Variants in APTX observed in about 807,000 individuals in gnomAD.
The protein encoded by APTX is forkhead-associated domain histidine triad-like protein.
Under a neutral mutation model 42.3 loss-of-function variants are expected in APTX, and 33 were observed. That is an observed-to-expected ratio of 0.78 (90% confidence interval 0.59 to 1.04). APTX has a LOEUF of 1.04. Among genes scored for constraint, APTX ranks in the 50% least tolerant of loss-of-function variants. The pLI is 0.00. For synonymous variants in APTX, 130 were observed against 146.7 expected, an observed-to-expected ratio of 0.89 and a Z score of 0.82; for missense variants, 421 against 415.1, an observed-to-expected ratio of 1.01 and a Z score of -0.12.
rs55924566 is a variant in APTX at position 33,006,999 on chromosome 9, C to CAA, written c.-4-17106_-4-17105dup. Among the ~76,000 whole-genome samples, 104 of 49,362 alleles carry CAA rather than the reference C, an allele frequency of 2.1e-3. 1 individual carries two copies. The highest frequency in any genetic ancestry group is 4.1e-3 in the Admixed American group (14 of 3,424). 32.4% of individuals were successfully genotyped at this position (49,362 alleles called of 152,430 possible). A position where few individuals can be genotyped will look rare whatever the true frequency, so the allele number is the denominator to read the frequency against. ...TGGGCGACAGAGCAAGACTCTGTCT[C>CAA]AAAAAAAAAAAAAAAAAAAAAAAAG... On this transcript the variant is annotated intron_variant, in intron 1 of 6. Coordinates refer to the APTX transcript ENST00000436040.
chr9:33,018,742 G>A (rs1384387102), intron 1 of APTX, among the ~76,000 whole-genome samples: 3 of 151,934 alleles, frequency 2.0e-5, no homozygotes, highest in Non-Finnish European at 4.4e-5. Context: ...AGCCAGGCGT[G>A]GTGGCAGGCA....
intron 1 of APTX, among the ~76,000 whole-genome samples, chr9:33,006,882 C>T (rs1837184064): frequency 6.6e-6 from 1 of 151,042 alleles, no homozygotes; most frequent in Non-Finnish European, 1.5e-5. Flanking sequence ...TGCCTGTAGT[C>T]CCAGCTACTT....
intron 1 of APTX, among the ~76,000 whole-genome samples, chr9:33,016,642 AGAGT>A: frequency 6.6e-6 from 1 of 152,166 alleles, no homozygotes; most frequent in East Asian, 1.9e-4. Context: ...CTTTTAACTT[AGAGT>A]GACTAAATAG....
At chr9:32,993,016 T>A (rs1052023322) in intron 1 of APTX, among the ~76,000 whole-genome samples, 2 of 152,194 alleles carry the variant, frequency 1.3e-5, no homozygotes, top group African/African-American at 4.8e-5. Flanking sequence ...AAGTGAAATA[T>A]GTCTTCACTA....
chr9:33,005,322 C>A (rs1382000366), upstream of APTX, among the ~76,000 whole-genome samples: 3 of 152,016 alleles, frequency 2.0e-5, no homozygotes, highest in Non-Finnish European at 4.4e-5. Flanking sequence ...GAAAACATTG[C>A]CAAATCTGTC....
At chr9:33,018,896 C>T (rs1471431577) in intron 1 of APTX, among the ~76,000 whole-genome samples, 1 of 152,064 alleles carries the variant, frequency 6.6e-6, no homozygotes, top group African/African-American at 2.4e-5. Context: ...AAGATATGTA[C>T]TCCTCAAAAC....
intron 1 of APTX, among the ~76,000 whole-genome samples, chr9:32,993,485 A>C (rs1834117219): frequency 6.6e-6 from 1 of 152,194 alleles, no homozygotes; most frequent in Non-Finnish European, 1.5e-5. Context: ...GTAGCACCTA[A>C]TCTAACACTT....
intron 1 of APTX, among the ~76,000 whole-genome samples, chr9:33,006,999 C>CAAAAAAAAAAAAAAAAAAAAAAAAAAAAA (rs55924566): frequency 8.1e-5 from 4 of 49,444 alleles, no homozygotes; most frequent in Admixed American, 2.9e-4. Flanking sequence ...GACTCTGTCT[C>CAAAAAAAAAAAAAAAAAAAAAAAAAAAAA]AAAAAAAAAA....
chr9:32,987,589 T>C lies in APTX; in HGVS notation c.438A>G (p.Gln146=), dbSNP rs768716712. ...TGLEPGSNSG[Q]CSVPLKKGKD... ...TTCCCTTCTTTAGGGGCACAGAGCA[T>C]TGGCCAGAGTTGCTCCCAGGTTCCA... Residue 146 remains glutamine (Q), a synonymous_variant, in exon 4 of 8, where the codon CAA becomes CAG. Coordinates refer to ENST00000379817, the MANE Select transcript of APTX (RefSeq NM_001195248.2). The C allele has an allele frequency of 1.2e-6, 2 of 1,614,182 alleles. No individual in the cohort carries two copies. Among genetic ancestry groups the C allele is most frequent in the African/African-American group, 1.3e-5 (1 of 75,058 alleles).
chr9:32,987,100 C>G (rs1832371375), intron 4 of APTX, among the ~76,000 whole-genome samples: 2 of 152,244 alleles, frequency 1.3e-5, no homozygotes, highest in Admixed American at 1.3e-4. Flanking sequence ...AGGCGTGAAC[C>G]ACTGCACCCA....
chr9:33,013,505 G>A (rs554040481), intron 1 of APTX, among the ~76,000 whole-genome samples: 3 of 152,304 alleles, frequency 2.0e-5, no homozygotes, highest in African/African-American at 7.2e-5. Context: ...GACTAGGCAG[G>A]TAGGAAGCTG....
At chr9:33,019,222 A>G (rs1448333403) in intron 1 of APTX, among the ~76,000 whole-genome samples, 1 of 152,192 alleles carries the variant, frequency 6.6e-6, no homozygotes, top group Non-Finnish European at 1.5e-5. Flanking sequence ...TATAAAGTTC[A>G]GTTTAAAAAA....
chr9:33,025,047 G>C (rs765174912), exon 1 of APTX: 5 of 152,480 alleles, frequency 3.3e-5, no homozygotes, highest in Admixed American at 6.5e-5. Context: ...CGCACTCTCA[G>C]GCTCGCTGAG....
At chr9:32,983,287 T>C (rs2118634176) in intron 6 of APTX, among the ~76,000 whole-genome samples, 1 of 152,330 alleles carries the variant, frequency 6.6e-6, no homozygotes, top group East Asian at 1.9e-4. Context: ...CAATGTATGA[T>C]TCCATTTATA....
In APTX at chr9:32,989,858, T is replaced by C; in HGVS notation, c.34A>G (p.Ser12Gly). 6.2e-7 allele frequency: 1 copy of C among 1,614,252 alleles called. No homozygotes were observed. The highest frequency in any genetic ancestry group is 8.5e-7 in the Non-Finnish European group (1 of 1,180,034). Residue 12 changes from serine (S) to glycine (G), a missense_variant, in exon 2 of 8, where the codon AGC becomes GGC. Physicochemically the swap from Ser to Gly is moderately conservative, Grantham distance 56. Transcript: ENST00000379817. ...MRVCWLVRQD[S>G]RHQRIRLPHL... Reference sequence around the variant, plus strand: ...GGAAGTCTGATTCGCTGGTGCCGGCTGTCCTGTCTCACCAACCAGCACACC... The same window carrying C: ...GGAAGTCTGATTCGCTGGTGCCGGCCGTCCTGTCTCACCAACCAGCACACC...
chr9:33,009,789 A>T (rs1837409261), intron 1 of APTX, among the ~76,000 whole-genome samples: 3 of 151,962 alleles, frequency 2.0e-5, no homozygotes, highest in African/African-American at 7.2e-5. Context: ...TCTGTCTCTA[A>T]AAAAAATAAT....
chr9:33,013,602 C>T (rs544096366), intron 1 of APTX, among the ~76,000 whole-genome samples: 116 of 152,174 alleles, frequency 7.6e-4, no homozygotes, highest in African/African-American at 2.6e-3. Flanking sequence ...GTCAGGAGAT[C>T]GAGACCATCC....
rs148205080 is a variant in APTX, at chr9:32,990,918, C to G, written c.-4-1023G>C. On this transcript the variant is annotated intron_variant, in intron 1 of 7. Coordinates refer to ENST00000379817, the MANE Select transcript of APTX (RefSeq NM_001195248.2). ...CAGTCATAATAAATATGCAAATCTA[C>G]AATTTCTTTACTTTTTTTTTTTTCT... Among the ~76,000 whole-genome samples, 160 of 152,134 alleles carry G rather than the reference C, an allele frequency of 1.1e-3. 5 individuals are homozygous for G. The highest frequency in any genetic ancestry group is 3.7e-3 in the African/African-American group (152 of 41,528).
At chr9:32,979,759 A>G (rs1830283218) in intron 6 of APTX, 1 of 167,048 alleles carries the variant, frequency 6.0e-6, no homozygotes, top group Non-Finnish European at 1.3e-5. Flanking sequence ...CATTCTAGCA[A>G]ATAAGACAGG....
Sources: allele counts gnomAD v4.1 joint callset (sites outside exome capture counted in the v4.1 genomes callset), GRCh38; gene constraint gnomAD v4.1.1; transcripts MANE v1.5; gene names NCBI Gene and HGNC (gene_info 2026-07-23, HGNC 2026-07-21).